The following POF1B variants were observed in gnomAD, a reference collection of about 807,000 sequenced individuals.
The protein encoded by POF1B is POF1B actin binding protein.
POF1B carries 53 observed loss-of-function variants against 55.3 expected under a neutral mutation model. That is an observed-to-expected ratio of 0.96 (90% CI 0.77 to 1.20). The LOEUF is 1.20. Among genes scored for constraint, POF1B ranks in the 50% most tolerant of loss-of-function variants. The probability of loss-of-function intolerance (pLI) is 0.00; values close to 1 mark genes in which losing one functional copy is unlikely to be tolerated. For synonymous variants in POF1B, 188 were observed against 148.3 expected, an observed-to-expected ratio of 1.27 and a Z score of -1.95; for missense variants, 478 against 420.5, an observed-to-expected ratio of 1.14 and a Z score of -1.20.
intron 7 of POF1B, among the ~76,000 whole-genome samples, chrX:85,317,653 A>T: frequency 1.8e-5 from 2 of 110,428 alleles, no homozygotes; most frequent in Middle Eastern, 4.6e-3. Flanking sequence ...TGTCAAAAAG[A>T]AGTGTGGCAA....
intron 16 of POF1B, among the ~76,000 whole-genome samples, chrX:85,281,729 T>C: frequency 9.8e-6 from 1 of 102,006 alleles, no homozygotes; most frequent in Admixed American, 1.0e-4. Flanking sequence ...CTAATATATA[T>C]AATATATATA....
chrX:85,284,375 C>T (rs772562336), intron 15 of POF1B, among the ~76,000 whole-genome samples: 14 of 111,181 alleles, frequency 1.3e-4, no homozygotes, highest in African/African-American at 3.6e-4. Context: ...AGAAAAAAGC[C>T]GGAGGCATCA....
chrX:85,322,949 G>C (rs2147918907), intron 7 of POF1B, among the ~76,000 whole-genome samples: 1 of 109,612 alleles, frequency 9.1e-6, no homozygotes, highest in East Asian at 2.9e-4. Flanking sequence ...GAAACAACAG[G>C]TGCTGGAGAG....
chrX:85,338,652 G>C (rs187793399), intron 6 of POF1B, among the ~76,000 whole-genome samples: 1 of 111,510 alleles, frequency 9.0e-6, no homozygotes, highest in Admixed American at 9.5e-5. Context: ...GGCCTAACGA[G>C]AGCTACAGAT....
At chrX:85,367,655 G>C in intron 3 of POF1B, 37 bp downstream of exon 3, 5 of 1,030,972 alleles carry the variant, frequency 4.8e-6, no homozygotes, top group Non-Finnish European at 5.4e-6. Context: ...ATATAAAAAA[G>C]AGGAACAAAT....
chrX:85,321,716 C>T (rs1402467466), intron 7 of POF1B, among the ~76,000 whole-genome samples: 3 of 99,239 alleles, frequency 3.0e-5, no homozygotes, highest in African/African-American at 1.3e-4. Flanking sequence ...CCCAAAATCT[C>T]CTTAAGCTGA....
At chrX:85,354,947 G>C (rs1206203486) in intron 4 of POF1B, among the ~76,000 whole-genome samples, 2 of 111,058 alleles carry the variant, frequency 1.8e-5, no homozygotes, top group African/African-American at 6.5e-5. Flanking sequence ...CACGGAATTG[G>C]AAAAAGCTAC....
rs1243317057 is a variant in POF1B at position 85,285,800 on chromosome X, TAAA to T, written c.1650-3486_1650-3484del. ...ATGTACCCTAGAAGTTAAAGTATAATAAAAAATTTTTAAAAATGACCAGCTTAC... is the reference window on the plus strand; with the variant it reads ...ATGTACCCTAGAAGTTAAAGTATAATAAATTTTTAAAAATGACCAGCTTAC... On this transcript the variant is annotated intron_variant, in intron 15 of 16. Transcript: ENST00000262753. Among the ~76,000 whole-genome samples, 6 of 111,266 alleles carry T rather than the reference TAAA, an allele frequency of 5.4e-5. 1 individual carries two copies. In the South Asian group the frequency reaches 2.3e-3, roughly 42 times the overall value.
intron 2 of POF1B, among the ~76,000 whole-genome samples, chrX:85,371,348 T>C (rs748925062): frequency 8.9e-6 from 1 of 112,126 alleles, no homozygotes; most frequent in Non-Finnish European, 1.9e-5. Flanking sequence ...TGATGATGAT[T>C]ATAATGATGA....
intron 15 of POF1B, among the ~76,000 whole-genome samples, chrX:85,297,881 C>G (rs1338894230): frequency 8.9e-6 from 1 of 112,214 alleles, no homozygotes; most frequent in Non-Finnish European, 1.9e-5. Flanking sequence ...TGCTTCTGCA[C>G]TGGCCTATGA....
At chrX:85,351,213 G>T in intron 5 of POF1B, 137 bp downstream of exon 5, 1 of 396,663 alleles carries the variant, frequency 2.5e-6, no homozygotes, top group Non-Finnish European at 4.3e-6. Flanking sequence ...GGTATGAAGG[G>T]CTGTAGATAT....
chrX:85,345,135 A>T (rs1375820568), intron 6 of POF1B, among the ~76,000 whole-genome samples: 2 of 111,214 alleles, frequency 1.8e-5, no homozygotes, highest in Admixed American at 9.6e-5. Context: ...AAAGAGGTCA[A>T]TTGGAGATCT....
chrX:85,352,909 T>TA (rs1460605157), intron 4 of POF1B, among the ~76,000 whole-genome samples: 1 of 111,380 alleles, frequency 9.0e-6, no homozygotes, highest in Non-Finnish European at 1.9e-5. Flanking sequence ...GGACTATAAA[T>TA]AAAAAACAAA....
chrX:85,318,615 A>G (rs141728698), intron 7 of POF1B, among the ~76,000 whole-genome samples: 1,435 of 111,896 alleles, frequency 0.013, 12 homozygotes, highest in Non-Finnish European at 0.022. Context: ...AGCACCATCT[A>G]TTGAATAGGG....
chrX:85,344,223 A>T (rs1933227544), intron 6 of POF1B, among the ~76,000 whole-genome samples: 3 of 110,988 alleles, frequency 2.7e-5, no homozygotes, highest in Admixed American at 9.6e-5. Flanking sequence ...CATACAAATC[A>T]AACCCCTAAC....
chrX:85,312,430 G>T lies in POF1B; in HGVS notation c.957+2002C>A, dbSNP rs1932725808. On this transcript the variant is annotated intron_variant, in intron 9 of 16. Coordinates refer to ENST00000262753, the MANE Select transcript of POF1B (RefSeq NM_024921.4). ...TTCCCAGCATTATTTATTAAACAGG[G>T]AATCTTTTCCCCATTGCTTGTTTTT... Among the ~76,000 whole-genome samples, 4 of 111,570 alleles carry T rather than the reference G, an allele frequency of 3.6e-5. No homozygotes were observed. In the Admixed American group the frequency reaches 3.8e-4, roughly 11 times the overall value.
Position 85,318,025 on chromosome X carries a change from C to T in POF1B, c.855-2291G>A, listed in dbSNP as rs372308362. Among the ~76,000 whole-genome samples, 11 of 111,045 alleles carry T rather than the reference C, an allele frequency of 9.9e-5. No individual in the cohort carries two copies. The East Asian group carries it at 3.1e-3, about 32-fold the overall frequency. The stretch of plus-strand genomic sequence containing the variant: ...ACAAGTGGGAGCTAAATGATGAGAA[C>T]ATATGGACACATAGAGGGGGAACAA... On this transcript the variant is annotated intron_variant, in intron 7 of 16. Transcript: ENST00000262753.
chrX:85,302,173 AT>A (rs1041724697), intron 15 of POF1B, among the ~76,000 whole-genome samples: 2 of 111,347 alleles, frequency 1.8e-5, no homozygotes, highest in Admixed American at 9.6e-5. Flanking sequence ...AACCCATGGA[AT>A]TGATGAAAAT....
At chrX:85,303,368 T>A (rs1283051486) in intron 15 of POF1B, 38 bp downstream of exon 15, 1 of 939,071 alleles carries the variant, frequency 1.1e-6, no homozygotes, top group Admixed American at 2.5e-5. Context: ...TATATGATCA[T>A]AATTTTTATA....
Sources: allele counts gnomAD v4.1 joint callset (sites outside exome capture counted in the v4.1 genomes callset), GRCh38; gene constraint gnomAD v4.1.1; transcripts MANE v1.5; gene names NCBI Gene and HGNC (gene_info 2026-07-23, HGNC 2026-07-21).